The following GPC5 variants were observed in gnomAD, a reference collection of about 807,000 sequenced individuals.
The protein encoded by GPC5 is glypican-5.
Under a neutral mutation model 53.9 loss-of-function variants are expected in GPC5, and 47 were observed. The observed-to-expected ratio is 0.87, with a 90% confidence interval of 0.69 to 1.11. GPC5 has a LOEUF of 1.11. Among genes scored for constraint, GPC5 ranks in the 50% most tolerant of loss-of-function variants. GPC5 has a pLI of 0.00. For missense variants in GPC5, 748 were observed against 713.1 expected, an observed-to-expected ratio of 1.05 and a Z score of -0.56; for synonymous variants, 286 against 263.3, an observed-to-expected ratio of 1.09 and a Z score of -0.84.
intron 6 of GPC5, among the ~76,000 whole-genome samples, chr13:92,044,721 A>C (rs2040967747): frequency 6.6e-6 from 1 of 152,228 alleles, no homozygotes; most frequent in Admixed American, 6.5e-5. Context: ...GAAATATAGT[A>C]AGATGTTTAA....
At chr13:92,654,670 A>T (rs1005945678) in intron 7 of GPC5, among the ~76,000 whole-genome samples, 3 of 152,094 alleles carry the variant, frequency 2.0e-5, no homozygotes, top group African/African-American at 7.2e-5. Flanking sequence ...AACATGATTC[A>T]TTGAAAATAA....
chr13:91,975,871 C>A (rs1194207872), intron 6 of GPC5, among the ~76,000 whole-genome samples: 1 of 152,168 alleles, frequency 6.6e-6, no homozygotes, highest in African/African-American at 2.4e-5. Flanking sequence ...GGAACCAACC[C>A]AAATGCCCAA....
At chr13:92,602,238 AT>A (rs1233669740) in intron 7 of GPC5, among the ~76,000 whole-genome samples, 10 of 81,560 alleles carry the variant, frequency 1.2e-4, no homozygotes, top group Middle Eastern at 5.6e-3. Context: ...TATAACATAT[AT>A]ATATATATAT....
chr13:92,396,310 T>C (rs1249371802), intron 7 of GPC5, among the ~76,000 whole-genome samples: 2 of 152,182 alleles, frequency 1.3e-5, no homozygotes, highest in African/African-American at 4.8e-5. Flanking sequence ...TTTTTATTTG[T>C]AGCATTTCCT....
intron 7 of GPC5, among the ~76,000 whole-genome samples, chr13:92,765,585 A>G (rs751886711): frequency 8.5e-5 from 13 of 152,226 alleles, no homozygotes; most frequent in Non-Finnish European, 1.6e-4. Context: ...GATGTAGCCC[A>G]GGAGTTCTCA....
chr13:92,480,896 T>G (rs1405297827), intron 7 of GPC5, among the ~76,000 whole-genome samples: 2 of 152,066 alleles, frequency 1.3e-5, no homozygotes, highest in Non-Finnish European at 2.9e-5. Flanking sequence ...GGAAGCAGAA[T>G]GATGTGGATT....
intron 5 of GPC5, among the ~76,000 whole-genome samples, chr13:91,813,028 G>A (rs533463949): frequency 5.3e-5 from 8 of 152,184 alleles, no homozygotes; most frequent in East Asian, 1.9e-4. Flanking sequence ...AAAGTGTCAC[G>A]GAAGTACTAC....
chr13:92,710,355 T>A (rs1210518095), intron 7 of GPC5, among the ~76,000 whole-genome samples: 1 of 152,026 alleles, frequency 6.6e-6, no homozygotes, highest in African/African-American at 2.4e-5. Flanking sequence ...ACCATCCTAA[T>A]GTGACAGAGA....
intron 7 of GPC5, among the ~76,000 whole-genome samples, chr13:92,314,224 T>C (rs1244158804): frequency 6.6e-6 from 1 of 152,054 alleles, no homozygotes; most frequent in Non-Finnish European, 1.5e-5. Context: ...GTACCTTTCC[T>C]CTCTCTCTCT....
At chr13:92,266,784 A>G (rs992837366) in intron 7 of GPC5, among the ~76,000 whole-genome samples, 1 of 151,318 alleles carries the variant, frequency 6.6e-6, no homozygotes, top group Non-Finnish European at 1.5e-5. Flanking sequence ...TTTTAGTTTT[A>G]AGAAATGAAG....
intron 6 of GPC5, among the ~76,000 whole-genome samples, chr13:92,073,681 C>G (rs1370403491): frequency 2.6e-5 from 4 of 152,190 alleles, no homozygotes; most frequent in African/African-American, 7.2e-5. Context: ...TATTTCTTCA[C>G]TCTTCTTGAG....
At chr13:92,583,936 AC>A (rs1442231454) in intron 7 of GPC5, among the ~76,000 whole-genome samples, 1 of 152,116 alleles carries the variant, frequency 6.6e-6, no homozygotes, top group Admixed American at 6.6e-5. Flanking sequence ...GCTGCCATCC[AC>A]GTAAGATGTG....
chr13:92,103,828 G>A (rs1436511819), intron 6 of GPC5, among the ~76,000 whole-genome samples: 2 of 152,104 alleles, frequency 1.3e-5, no homozygotes, highest in Non-Finnish European at 2.9e-5. Flanking sequence ...GAGAGATTAC[G>A]ATTCTCTTAG....
intron 2 of GPC5, among the ~76,000 whole-genome samples, chr13:91,458,567 T>G (rs1169517901): frequency 5.3e-5 from 8 of 152,062 alleles, no homozygotes; most frequent in Non-Finnish European, 1.2e-4. Context: ...ACTTTACTCC[T>G]GCAAGAATGG....
intron 7 of GPC5, among the ~76,000 whole-genome samples, chr13:92,865,027 CACTT>C (rs1879297138): frequency 6.6e-6 from 1 of 152,092 alleles, no homozygotes. Context: ...ATAATTCAGT[CACTT>C]AGTCTCAGAA....
At chr13:92,054,144 G>A (rs1376319154) in intron 6 of GPC5, among the ~76,000 whole-genome samples, 1 of 122,138 alleles carries the variant, frequency 8.2e-6, no homozygotes, top group Non-Finnish European at 1.7e-5. Flanking sequence ...AAATTACTTT[G>A]GAGGGGTGTG....
At chr13:92,751,441 G>C (rs745729801) in intron 7 of GPC5, among the ~76,000 whole-genome samples, 17 of 150,690 alleles carry the variant, frequency 1.1e-4, no homozygotes, top group Non-Finnish European at 1.3e-4. Context: ...GAATGTGCCA[G>C]TCCAACAAAT....
chr13:91,572,247 A>G (rs79361324), intron 2 of GPC5, among the ~76,000 whole-genome samples: 32,105 of 125,438 alleles, frequency 0.26, 5,572 homozygotes, highest in South Asian at 0.39. Flanking sequence ...ACATGTGTAT[A>G]TATATACACA....
At chr13:92,586,023 G>A (rs572397600) in intron 7 of GPC5, among the ~76,000 whole-genome samples, 24 of 152,282 alleles carry the variant, frequency 1.6e-4, no homozygotes, top group Non-Finnish European at 3.5e-4. Flanking sequence ...TAATACGCCT[G>A]GCTAGGTTTA....
Sources: allele counts gnomAD v4.1 joint callset (sites outside exome capture counted in the v4.1 genomes callset), GRCh38; gene constraint gnomAD v4.1.1; transcripts MANE v1.5; gene names NCBI Gene and HGNC (gene_info 2026-07-23, HGNC 2026-07-21).